PPP1R10: variants seen among roughly 807,000 people sequenced by gnomAD.
PPP1R10 encodes the protein protein phosphatase 1 regulatory subunit 10, also known as serine/threonine-protein phosphatase 1 regulatory subunit 10.
PPP1R10 carries 15 observed loss-of-function variants against 99.0 expected under a neutral mutation model. The ratio of observed to expected loss-of-function variants is 0.15; its 90% CI spans 0.10 to 0.23. PPP1R10 has a LOEUF of 0.23. Among genes scored for constraint, PPP1R10 ranks in the 10% least tolerant of loss-of-function variants. PPP1R10 has a pLI of 1.00. For missense variants in PPP1R10, 947 were observed against 1,259.4 expected (o/e 0.75, Z 3.75); for synonymous variants, 430 against 449.5 (o/e 0.96, Z 0.55).
At position 30,609,294 on chromosome 6, in the gene PPP1R10, T is replaced by C. The variant is rs1178150419; in HGVS notation, c.108-131A>G. 9 of 753,226 alleles carry C rather than the reference T, an allele frequency of 1.2e-5. No individual in the cohort carries two copies. The highest frequency in any genetic ancestry group is 5.2e-5 in the African/African-American group (3 of 57,740). 46.7% of individuals were successfully genotyped at this position (753,226 alleles called of 1,614,324 possible). On this transcript the variant is annotated intron_variant, in intron 3 of 19. Coordinates refer to ENST00000376511, the MANE Select transcript of PPP1R10 (RefSeq NM_002714.4). The surrounding 1 kb of genome is among the most constrained non-coding windows in gnomAD (Gnocchi z 4.5). ...TGCTCCAGAGAAGGGGAGTCACATATACCTCTAGGAAGATGGGATGGATCC... is the reference window on the plus strand; with the variant it reads ...TGCTCCAGAGAAGGGGAGTCACATACACCTCTAGGAAGATGGGATGGATCC...
rs1241814266 is a variant in PPP1R10 at position 30,602,209 on chromosome 6, G to T, written c.2440C>A (p.Arg814Ser). 1 of 1,610,532 alleles carries T rather than the reference G, an allele frequency of 6.2e-7. No homozygotes were observed. The highest frequency in any genetic ancestry group is 1.1e-5 in the South Asian group (1 of 90,858). The change falls in exon 19 of 20, where the codon CGT (arginine) becomes AGT (serine). Residue 814 changes from arginine to serine, a missense_variant. Arg to Ser is a moderately radical substitution (Grantham distance 110, BLOSUM62 -1). Coordinates refer to ENST00000376511, the MANE Select transcript of PPP1R10 (RefSeq NM_002714.4). This position sits in a 1 kb window ranked among gnomAD's most constrained non-coding sequence, Gnocchi z 6.7. ...GGGISGGSGH[R>S]PHEGPGGGMG... ...CCTCCGCCAGGGCCTTCATGGGGAC[G>T]ATGGCCACTGCCACCACTGATGCCA...
In PPP1R10 at chr6:30,610,000, T is replaced by G; in HGVS notation, c.-11-45A>C. 2 of 1,324,158 alleles carry G rather than the reference T, an allele frequency of 1.5e-6. No individual in the cohort carries two copies. Among genetic ancestry groups the G allele is most frequent in the Non-Finnish European group, 2.2e-6 (2 of 916,654 alleles). 82.0% of individuals were successfully genotyped at this position (1,324,158 alleles called of 1,614,324 possible). ...CAAACAAACCCACAGAATAAATGGG[T>G]GGCAAGGACTACCCGAGTAGGCCCT... On this transcript the variant is annotated intron_variant, in intron 2 of 19. Transcript: ENST00000376511. This position sits in a 1 kb window ranked among gnomAD's most constrained non-coding sequence, Gnocchi z 4.5.
rs746318488 is a variant in PPP1R10 at position 30,603,621 on chromosome 6, C to G, written c.1618G>C (p.Gly540Arg). ...ETPYVETLEP[G>R]GSGGSPDGAG... Reference sequence around the variant, plus strand: ...CCATCAGGTGAGCCACCTGACCCCCCAGGTTCCAGAGTCTCAACATACGGA... The same window carrying G: ...CCATCAGGTGAGCCACCTGACCCCCGAGGTTCCAGAGTCTCAACATACGGA... The change falls in exon 16 of 20, where the codon GGG (glycine) becomes CGG (arginine). Residue 540 changes from glycine to arginine, a missense_variant. Transcript: ENST00000376511. 1.9e-6 allele frequency: 3 copies of G among 1,613,418 alleles called. 1 individual carries two copies. The highest frequency in any genetic ancestry group is 2.5e-6 in the Non-Finnish European group (3 of 1,179,768).
Position 30,602,464 on chromosome 6 carries a change from G to A in PPP1R10, c.2185C>T (p.Arg729Cys). The change falls in exon 19 of 20, where the codon CGC (arginine) becomes TGC (cysteine). Residue 729 changes from arginine to cysteine, a missense_variant. Arg to Cys is a radical substitution (Grantham distance 180, BLOSUM62 -3). This residue lies in a region of PPP1R10 where 525 missense variants were observed against 578.8 expected (regional missense o/e 0.91). Coordinates refer to ENST00000376511, the MANE Select transcript of PPP1R10 (RefSeq NM_002714.4). The surrounding 1 kb of genome is among the most constrained non-coding windows in gnomAD (Gnocchi z 6.7). ...PPPFRGARGGRSGGGPPNGRG... is the reference protein window; with the variant it reads ...PPPFRGARGGCSGGGPPNGRG... ...CCATTTGGGGGTCCTCCTCCAGAGC[G>A]ACCTCCTCTGGCGCCTCGGAATGGA... 4 of 1,595,378 alleles carry A rather than the reference G, an allele frequency of 2.5e-6. No individual in the cohort carries two copies. Among genetic ancestry groups the A allele is most frequent in the Non-Finnish European group, 3.4e-6 (4 of 1,168,936 alleles).
At position 30,605,010 on chromosome 6, in the gene PPP1R10, G is replaced by A; in HGVS notation, c.938C>T (p.Ser313Leu). Residue 313 changes from serine to leucine, a missense_variant, in exon 11 of 20, where the codon TCA becomes TTA. Physicochemically the swap from Ser to Leu is moderately radical, Grantham distance 145. Transcript: ENST00000376511. ...AGCCCATACCTTGGCAGCCGTAGGT[G>A]ACAGTACTTTTTTTTTCTTCTTAAT... ...IKIKKKKKVL[S>L]PTAAKPSPFE... 1 of 1,612,986 alleles carries A rather than the reference G, an allele frequency of 6.2e-7. No homozygotes were observed. The highest frequency in any genetic ancestry group is 8.5e-7 in the Non-Finnish European group (1 of 1,179,982).
intron 5 of PPP1R10, 27 bp from the exon 6 acceptor site, chr6:30,607,918 G>A: frequency 6.2e-7 from 1 of 1,609,690 alleles, no homozygotes; most frequent in Non-Finnish European, 8.5e-7. Context: ...CAGCAGAAAG[G>A]TAAATGCCAG....
rs147950947 is a variant in PPP1R10 at position 30,602,879 on chromosome 6, G to C, written c.1924C>G (p.His642Asp). Residue 642 changes from histidine to aspartate, a missense_variant, in exon 18 of 20, where the codon CAC becomes GAC. This residue lies in a region of PPP1R10 where 525 missense variants were observed against 578.8 expected (regional missense o/e 0.91). Coordinates refer to ENST00000376511, the MANE Select transcript of PPP1R10 (RefSeq NM_002714.4). The surrounding 1 kb of genome is among the most constrained non-coding windows in gnomAD (Gnocchi z 6.7). ...GGTCCCCCAGGTCCAGGGGGAAAGT[G>C]CTGCATGCCCTTGGGGCCCCCAGGA... Reference protein sequence around the residue: ...GGPGGPKGMQHFPPGPGGPMP... With the variant: ...GGPGGPKGMQDFPPGPGGPMP... The C allele has an allele frequency of 1.1e-4, 173 of 1,556,306 alleles. No individual in the cohort carries two copies. Among genetic ancestry groups the C allele is most frequent in the Non-Finnish European group, 2.2e-5 (25 of 1,149,142 alleles).
intron 14 of PPP1R10, 70 bp downstream of exon 14, chr6:30,603,938 C>G: frequency 6.6e-7 from 1 of 1,524,728 alleles, no homozygotes; most frequent in Non-Finnish European, 8.8e-7. Context: ...CCCGTAATTA[C>G]CCCAGCTCAT....
Position 30,606,117 on chromosome 6 carries a change from G to GC in PPP1R10, c.740+20dup, listed in dbSNP as rs1356072770. The stretch of plus-strand genomic sequence containing the variant: ...TGTCCACAGATCCACCCCATTCAGA[G>GC]CCTGAGAATATGGTCCATACCTCTG... On this transcript the variant is annotated intron_variant, in intron 9 of 19. Coordinates refer to ENST00000376511, the MANE Select transcript of PPP1R10 (RefSeq NM_002714.4). This position sits in a 1 kb window ranked among gnomAD's most constrained non-coding sequence, Gnocchi z 6.3. 1.4e-5 allele frequency: 22 copies of GC among 1,613,426 alleles called. No individual in the cohort carries two copies. Among genetic ancestry groups the GC allele is most frequent in the Non-Finnish European group, 1.8e-5 (21 of 1,179,560 alleles).
In PPP1R10 at chr6:30,616,643, T is replaced by C. The variant is rs1269682282; in HGVS notation, c.-177A>G. On this transcript the variant is annotated 5_prime_UTR_variant, in exon 2 of 20. Transcript: ENST00000376511. ...AAATAAAGGCCAACTCAGTATTCAT[T>C]TCCCCCCCACCCAACTCCATTTAGG... The C allele has an allele frequency of 6.6e-6, 1 of 152,140 alleles. No individual in the cohort carries two copies. The highest frequency in any genetic ancestry group is 1.9e-4 in the East Asian group (1 of 5,202). 9.4% of individuals were successfully genotyped at this position (152,140 alleles called of 1,614,324 possible). A position where few individuals can be genotyped will look rare whatever the true frequency, so the allele number is the denominator to read the frequency against.
rs1276469553 is a variant in PPP1R10 at position 30,606,721 on chromosome 6, AG to A, written c.460+57del. The A allele has an allele frequency of 2.5e-6, 4 of 1,609,484 alleles. No individual in the cohort carries two copies. Among genetic ancestry groups the A allele is most frequent in the Admixed American group, 1.7e-5 (1 of 59,988 alleles). On this transcript the variant is annotated intron_variant, in intron 7 of 19. Transcript: ENST00000376511. This position sits in a 1 kb window ranked among gnomAD's most constrained non-coding sequence, Gnocchi z 6.3. ...GGTGAAGCAGACTGGGAGCACCTAAAGGCCACATCCCAATAGGAAAGAAATA... is the reference window on the plus strand; with the variant it reads ...GGTGAAGCAGACTGGGAGCACCTAAAGCCACATCCCAATAGGAAAGAAATA...
intron 2 of PPP1R10, among the ~76,000 whole-genome samples, chr6:30,611,640 T>C (rs7767002): frequency 0.044 from 6,756 of 152,274 alleles, 275 homozygotes; most frequent in African/African-American, 0.11. Context: ...AGTTTCCAAA[T>C]GTGTAGGTCC....
Position 30,602,353 on chromosome 6 carries a change from C to T in PPP1R10, c.2296G>A (p.Gly766Arg). Residue 766 changes from glycine (G) to arginine (R), a missense_variant, in exon 19 of 20, where the codon GGA becomes AGA. Around this residue, in one of 10 missense-constraint regions of PPP1R10, gnomAD observed 525 missense variants for 578.8 expected, o/e 0.91. Coordinates refer to ENST00000376511, the MANE Select transcript of PPP1R10 (RefSeq NM_002714.4). The surrounding 1 kb of genome is among the most constrained non-coding windows in gnomAD (Gnocchi z 6.7). Reference sequence around the variant, plus strand: ...CCAGGGCCTTCGTGGGGACGATGTCCACTGCTGTTGCCCATGCCCCCACCA... The same window carrying T: ...CCAGGGCCTTCGTGGGGACGATGTCTACTGCTGTTGCCCATGCCCCCACCA... ...GPGGGMGNSS[G>R]HRPHEGPGGG... is the part of the protein sequence containing the mutation. 1 of 1,612,568 alleles carries T rather than the reference C, an allele frequency of 6.2e-7. No individual in the cohort carries two copies. The highest frequency in any genetic ancestry group is 8.5e-7 in the Non-Finnish European group (1 of 1,179,850).
chr6:30,608,000 AT>A, intron 5 of PPP1R10, 109 bp from the exon 6 acceptor site: 1 of 901,272 alleles, frequency 1.1e-6, no homozygotes, highest in Non-Finnish European at 1.6e-6. Flanking sequence ...TTTTTTTTTT[AT>A]TTTTTGAGAC....
chr6:30,609,215 T>G lies in PPP1R10; in HGVS notation c.108-52A>C, dbSNP rs189728593. 52 of 1,569,380 alleles carry G rather than the reference T, an allele frequency of 3.3e-5. No homozygotes were observed. The African/African-American group carries it at 5.8e-4, about 18-fold the overall frequency. On this transcript the variant is annotated intron_variant, in intron 3 of 19. Transcript: ENST00000376511. This position sits in a 1 kb window ranked among gnomAD's most constrained non-coding sequence, Gnocchi z 4.5. ...ATGAAGCAGCCAGTATCTCTTCTCT[T>G]AGCAAAAGCGCCTCTCTGTGAACTG...
rs1803939870 is a variant in PPP1R10 at position 30,606,303 on chromosome 6, TC to T, written c.635-61del. On this transcript the variant is annotated intron_variant, in intron 8 of 19. Coordinates refer to ENST00000376511, the MANE Select transcript of PPP1R10 (RefSeq NM_002714.4). This position sits in a 1 kb window ranked among gnomAD's most constrained non-coding sequence, Gnocchi z 6.3. ...CAAACCCCAGACCCCCGAATTTTCC[TC>T]CCGTTCTCACCCGCAAATGTTCTTC... The T allele has an allele frequency of 6.3e-7, 1 of 1,592,006 alleles. No individual in the cohort carries two copies. Among genetic ancestry groups the T allele is most frequent in the Non-Finnish European group, 8.6e-7 (1 of 1,164,376 alleles).
At position 30,602,486 on chromosome 6, in the gene PPP1R10, TGGAGGAGGA is replaced by T. The variant is rs747432159; in HGVS notation, c.2154_2162del (p.Pro719_Pro721del). 2.2e-5 allele frequency: 35 copies of T among 1,581,144 alleles called. No individual in the cohort carries two copies. Among genetic ancestry groups the T allele is most frequent in the Non-Finnish European group, 3.0e-5 (35 of 1,161,234 alleles). ...AGCGACCTCCTCTGGCGCCTCGGAA[TGGAGGAGGA>T]GGAGGAGGAGGTTCGTTTCCTCCTC... On this transcript the variant is annotated inframe_deletion, in exon 19 of 20. Transcript: ENST00000376511. This position sits in a 1 kb window ranked among gnomAD's most constrained non-coding sequence, Gnocchi z 6.7.
Position 30,604,874 on chromosome 6 carries a change from G to C in PPP1R10, c.954+120C>G. 5.3e-6 allele frequency: 8 copies of C among 1,507,732 alleles called. No homozygotes were observed. The South Asian group carries it at 7.9e-5, about 15-fold the overall frequency. 93.4% of individuals were successfully genotyped at this position (1,507,732 alleles called of 1,614,324 possible). Reference sequence around the variant, plus strand: ...TCTCCACAATGTCTCACCTGCACCAGTCTATATCCAAGGCAAAACGCCTCT... The same window carrying C: ...TCTCCACAATGTCTCACCTGCACCACTCTATATCCAAGGCAAAACGCCTCT... On this transcript the variant is annotated intron_variant, in intron 11 of 19. Transcript: ENST00000376511. The surrounding 1 kb of genome is among the most constrained non-coding windows in gnomAD (Gnocchi z 7.3).
At chr6:30,607,997 T>C in intron 5 of PPP1R10, 106 bp from the exon 6 acceptor site, 1 of 1,196,274 alleles carries the variant, frequency 8.4e-7, no homozygotes, top group Non-Finnish European at 1.2e-6. Context: ...TTTTTTTTTT[T>C]TTATTTTTTG....
Sources: allele counts gnomAD v4.1 joint callset (sites outside exome capture counted in the v4.1 genomes callset), GRCh38; gene constraint gnomAD v4.1.1; regional missense constraint gnomAD v4.1.1; non-coding constraint Gnocchi (gnomAD v3.1); transcripts MANE v1.5; gene names NCBI Gene and HGNC (gene_info 2026-07-23, HGNC 2026-07-21).